The following ARHGEF19 variants were observed in gnomAD, a reference collection of about 807,000 sequenced individuals.
The protein encoded by ARHGEF19 is Rho guanine nucleotide exchange factor 19, also known as Rho guanine nucleotide exchange factor (GEF) 19.
A neutral mutation model predicts 87.6 loss-of-function variants in ARHGEF19; 92 were observed. The ratio of observed to expected loss-of-function variants is 1.05; its 90% CI spans 0.89 to 1.25. The LOEUF (loss-of-function observed/expected upper bound fraction) is 1.25. ARHGEF19 is among the 50% of genes most tolerant of loss of function. The pLI is 0.00. For synonymous variants in ARHGEF19, 438 were observed against 446.2 expected (o/e 0.98, Z 0.23); for missense variants, 1,054 against 1,051.8 (o/e 1.00, Z -0.03).
At chr1:16,202,916 TC>T (rs1406829760) in intron 12 of ARHGEF19, among the ~76,000 whole-genome samples, 1 of 152,030 alleles carries the variant, frequency 6.6e-6, no homozygotes, top group African/African-American at 2.4e-5. Context: ...TCGCTCTGTC[TC>T]CCAGGCTGGA....
At position 16,204,911 on chromosome 1, in the gene ARHGEF19, C is replaced by A; in HGVS notation, c.1755G>T (p.Pro585=). The A allele has an allele frequency of 3.8e-6, 6 of 1,599,822 alleles. No individual in the cohort carries two copies. The highest frequency in any genetic ancestry group is 4.3e-6 in the Non-Finnish European group (5 of 1,172,772). ...KKIHFEGKIF[P]LISQARWLVR... ...CCAGCCAGCGGGCCTGAGAGATCAG[C>A]GGGAAAATCTAGAGGGATGGAGAAG... Residue 585 remains proline, a synonymous_variant, in exon 12 of 16, where the codon CCG becomes CCT. Coordinates refer to ENST00000270747, the MANE Select transcript of ARHGEF19 (RefSeq NM_153213.5).
chr1:16,206,230 G>A lies in ARHGEF19; in HGVS notation c.1248C>T (p.Asp416=), dbSNP rs748921446. The part of the protein sequence containing the change: ...AELSECLGAQ[D]KQWLFSKLPE... ...GCAGTTTGGAAAACAGCCACTGCTT[G>A]TCCTGCGCCCCCAGACACTCGCTCA... Residue 416 remains aspartate (D), a synonymous_variant, in exon 7 of 16, where the codon GAC becomes GAT. Coordinates refer to ENST00000270747, the MANE Select transcript of ARHGEF19 (RefSeq NM_153213.5). This position sits in a 1 kb window ranked among gnomAD's most constrained non-coding sequence, Gnocchi z 4.6. The A allele has an allele frequency of 3.8e-6, 6 of 1,597,692 alleles. No individual in the cohort carries two copies. Among genetic ancestry groups the A allele is most frequent in the East Asian group, 2.2e-5 (1 of 44,516 alleles).
At chr1:16,203,268 C>T (rs964198036) in intron 12 of ARHGEF19, among the ~76,000 whole-genome samples, 2 of 152,156 alleles carry the variant, frequency 1.3e-5, no homozygotes, top group Non-Finnish European at 2.9e-5. Context: ...AAGCCAGATC[C>T]CCTTTACTGT....
chr1:16,211,100 C>T (rs1410491606), intron 1 of ARHGEF19, among the ~76,000 whole-genome samples: 5 of 152,138 alleles, frequency 3.3e-5, no homozygotes, highest in African/African-American at 4.8e-5. Context: ...CCCATCTGAG[C>T]GAGTCTCCCT....
chr1:16,207,299 TA>T lies in ARHGEF19; in HGVS notation c.875-90del. The T allele has an allele frequency of 7.0e-7, 1 of 1,438,550 alleles. No individual in the cohort carries two copies. The highest frequency in any genetic ancestry group is 1.4e-5 in the South Asian group (1 of 69,320). The allele number at this position is 1,438,550 out of a possible 1,614,324, so 89.1% of individuals were successfully genotyped here. On this transcript the variant is annotated intron_variant, in intron 5 of 15. Transcript: ENST00000270747. This position sits in a 1 kb window ranked among gnomAD's most constrained non-coding sequence, Gnocchi z 4.0. Reference sequence around the variant, plus strand: ...GGTTCCCTCAAGAGCCCGCGTCACTTAACCTTTGCCGCGGTTCGGATATCTG... The same window carrying T: ...GGTTCCCTCAAGAGCCCGCGTCACTTACCTTTGCCGCGGTTCGGATATCTG...
Position 16,206,213 on chromosome 1 carries a change from G to T in ARHGEF19, c.1265C>A (p.Ser422Tyr). ...LGAQDKQWLF[S>Y]KLPEVKSTSE... The stretch of plus-strand genomic sequence containing the variant: ...GGTGCTCTTGACCTCGGGCAGTTTG[G>T]AAAACAGCCACTGCTTGTCCTGCGC... Residue 422 changes from serine (S) to tyrosine (Y), a missense_variant, in exon 7 of 16, where the codon TCC (serine) becomes TAC (tyrosine). Physicochemically the swap from Ser to Tyr is moderately radical, Grantham distance 144. Transcript: ENST00000270747. The surrounding 1 kb of genome is among the most constrained non-coding windows in gnomAD (Gnocchi z 4.6). 1 of 1,598,474 alleles carries T rather than the reference G, an allele frequency of 6.3e-7. No homozygotes were observed. Among genetic ancestry groups the T allele is most frequent in the South Asian group, 1.1e-5 (1 of 88,570 alleles).
At position 16,206,462 on chromosome 1, in the gene ARHGEF19, C is replaced by T. The variant is rs1192317819; in HGVS notation, c.1138-122G>A. The T allele has an allele frequency of 8.8e-7, 1 of 1,132,638 alleles. No homozygotes were observed. Among genetic ancestry groups the T allele is most frequent in the Admixed American group, 2.6e-5 (1 of 39,072 alleles). 70.2% of individuals were successfully genotyped at this position (1,132,638 alleles called of 1,614,324 possible). ...TCCTCGCCCCTTCTCTAGCCCCACTCCTAATCTGGCGCCGGGCGGGCCCGG... is the reference window on the plus strand; with the variant it reads ...TCCTCGCCCCTTCTCTAGCCCCACTTCTAATCTGGCGCCGGGCGGGCCCGG... On this transcript the variant is annotated intron_variant, in intron 6 of 15. Coordinates refer to ENST00000270747, the MANE Select transcript of ARHGEF19 (RefSeq NM_153213.5). The surrounding 1 kb of genome is among the most constrained non-coding windows in gnomAD (Gnocchi z 4.6).
chr1:16,208,202 G>C lies in ARHGEF19; in HGVS notation c.436C>G (p.Arg146Gly), dbSNP rs754561950. Reference sequence around the variant, plus strand: ...TCGGGGCAGCCGGGGACCTCTTCACGCTGGTACACCCGCATCTTGCGCCCT... The same window carrying C: ...TCGGGGCAGCCGGGGACCTCTTCACCCTGGTACACCCGCATCTTGCGCCCT... ...SAWRKMRVYQREEVPGCPEAH... is the reference protein window; with the variant it reads ...SAWRKMRVYQGEEVPGCPEAH... The change falls in exon 3 of 16, where the codon CGT becomes GGT. Residue 146 changes from arginine (R) to glycine (G), a missense_variant. Transcript: ENST00000270747. 2.3e-5 allele frequency: 37 copies of C among 1,613,000 alleles called. No individual in the cohort carries two copies. The East Asian group carries it at 6.9e-4, about 30-fold the overall frequency.
chr1:16,211,064 C>T (rs560173708), intron 1 of ARHGEF19, among the ~76,000 whole-genome samples: 2 of 152,310 alleles, frequency 1.3e-5, no homozygotes, highest in South Asian at 2.1e-4. Flanking sequence ...GTACCATCAG[C>T]CTCTGTCCCT....
At chr1:16,199,361 T>C in intron 14 of ARHGEF19, 107 bp from the exon 15 acceptor site, 1 of 894,644 alleles carries the variant, frequency 1.1e-6, no homozygotes, top group East Asian at 2.5e-5. Context: ...GGTGGGAAGG[T>C]GGCCATTGAG....
Position 16,207,122 on chromosome 1 carries a change from G to A in ARHGEF19, c.963C>T (p.Ala321=), listed in dbSNP as rs1214614663. The A allele has an allele frequency of 4.3e-5, 65 of 1,517,290 alleles. No homozygotes were observed. Among genetic ancestry groups the A allele is most frequent in the Admixed American group, 2.1e-5 (1 of 47,308 alleles). The allele number at this position is 1,517,290 out of a possible 1,614,324, so 94.0% of individuals were successfully genotyped here. A position where few individuals can be genotyped will look rare whatever the true frequency, so the allele number is the denominator to read the frequency against. Residue 321 remains alanine, a synonymous_variant, in exon 6 of 16, where the codon GCC becomes GCT. Coordinates refer to ENST00000270747, the MANE Select transcript of ARHGEF19 (RefSeq NM_153213.5). This position sits in a 1 kb window ranked among gnomAD's most constrained non-coding sequence, Gnocchi z 4.0. Reference sequence around the variant, plus strand: ...GCCCCGGCCCCTCCTCTGCGCCCTCGGCCTCGTCCCCCGGGCCCTCCTCCT... The same window carrying A: ...GCCCCGGCCCCTCCTCTGCGCCCTCAGCCTCGTCCCCCGGGCCCTCCTCCT... The part of the protein sequence containing the change: ...QREEEGPGDE[A]EGAEEGPGPP...
Position 16,198,375 on chromosome 1 carries a change from C to A in ARHGEF19, c.*212G>T. 1 of 452,454 alleles carries A rather than the reference C, an allele frequency of 2.2e-6. No homozygotes were observed. The highest frequency in any genetic ancestry group is 4.0e-5 in the Admixed American group (1 of 25,308). The allele number at this position is 452,454 out of a possible 1,614,324, so 28.0% of individuals were successfully genotyped here. ...TCCCCATGTCAGAGGAAGAAACTATCCTTGGCCTTGAAGTGTGGACACTGA... is the reference window on the plus strand; with the variant it reads ...TCCCCATGTCAGAGGAAGAAACTATACTTGGCCTTGAAGTGTGGACACTGA... On this transcript the variant is annotated 3_prime_UTR_variant, in exon 16 of 16. Transcript: ENST00000270747. This position sits in a 1 kb window ranked among gnomAD's most constrained non-coding sequence, Gnocchi z 4.1.
chr1:16,202,348 A>G (rs1693540), intron 13 of ARHGEF19, 68 bp downstream of exon 13: 885,626 of 1,278,580 alleles, frequency 0.69, 264,393 homozygotes, highest in East Asian at 0.79. Flanking sequence ...CGGGGTGCCC[A>G]TCATGGGGAC....
intron 14 of ARHGEF19, among the ~76,000 whole-genome samples, chr1:16,200,670 G>A (rs7527137): frequency 0.4 from 60,069 of 151,976 alleles, 13,630 homozygotes; most frequent in East Asian, 0.71. Flanking sequence ...TTTGAACCTG[G>A]GAGGTGGAGG....
chr1:16,205,059 C>T lies in ARHGEF19; in HGVS notation c.1746+28G>A. 1 of 1,580,492 alleles carries T rather than the reference C, an allele frequency of 6.3e-7. No homozygotes were observed. Among genetic ancestry groups the T allele is most frequent in the Non-Finnish European group, 8.6e-7 (1 of 1,163,008 alleles). On this transcript the variant is annotated intron_variant, in intron 11 of 15. Coordinates refer to ENST00000270747, the MANE Select transcript of ARHGEF19 (RefSeq NM_153213.5). This position sits in a 1 kb window ranked among gnomAD's most constrained non-coding sequence, Gnocchi z 5.8. Reference sequence around the variant, plus strand: ...AGAAACAAGAGCTGCCCCTTGGGGTCCCCATCCCGCTGGCTGCAGACACAC... The same window carrying T: ...AGAAACAAGAGCTGCCCCTTGGGGTTCCCATCCCGCTGGCTGCAGACACAC...
rs1489014248 is a variant in ARHGEF19 at position 16,206,518 on chromosome 1, A to T, written c.1138-178T>A. 1.0e-5 allele frequency: 7 copies of T among 678,496 alleles called. 1 individual carries two copies. The allele number at this position is 678,496 out of a possible 1,614,324, so 42.0% of individuals were successfully genotyped here. On this transcript the variant is annotated intron_variant, in intron 6 of 15. Transcript: ENST00000270747. The surrounding 1 kb of genome is among the most constrained non-coding windows in gnomAD (Gnocchi z 4.6). ...CACGTCCCGCCGCGGGAAATTGTGC[A>T]AGCCTTTCCTGTCCTCGATCCCGCC...
Position 16,204,800 on chromosome 1 carries a change from G to A in ARHGEF19, c.1866C>T (p.Leu622=). 1 of 1,613,318 alleles carries A rather than the reference G, an allele frequency of 6.2e-7. No individual in the cohort carries two copies. ...KLKLSSKAVY[L]HLFNDCLLLS... is the part of the protein sequence containing the mutation. The stretch of plus-strand genomic sequence containing the variant: ...GCAGCAAGCAGTCATTGAAGAGGTG[G>A]AGGTAGACTGCCTTGCTGGACAGCT... The change falls in exon 12 of 16, where the codon CTC becomes CTT. Residue 622 remains leucine, a synonymous_variant. Transcript: ENST00000270747.
In ARHGEF19 at chr1:16,206,558, CG is replaced by C. The variant is rs1311768318; in HGVS notation, c.1138-219del. The C allele has an allele frequency of 3.5e-6, 2 of 577,598 alleles. No individual in the cohort carries two copies. Among genetic ancestry groups the C allele is most frequent in the Non-Finnish European group, 6.2e-6 (2 of 325,134 alleles). 35.8% of individuals were successfully genotyped at this position (577,598 alleles called of 1,614,324 possible). On this transcript the variant is annotated intron_variant, in intron 6 of 15. Transcript: ENST00000270747. This position sits in a 1 kb window ranked among gnomAD's most constrained non-coding sequence, Gnocchi z 4.6. ...TCGATCCCGCCCCTCTCCTAAGCCC[CG>C]CCCCGACGCGTTCTTCCCAGAGCCC...
In ARHGEF19 at chr1:16,198,433, G is replaced by T; in HGVS notation, c.*154C>A. On this transcript the variant is annotated 3_prime_UTR_variant, in exon 16 of 16. Coordinates refer to ENST00000270747, the MANE Select transcript of ARHGEF19 (RefSeq NM_153213.5). This position sits in a 1 kb window ranked among gnomAD's most constrained non-coding sequence, Gnocchi z 4.1. ...GAGGACGGAGAGACCCTCTGGAGGC[G>T]CCCCCATTCCTGTGTCCAGCCTGTG... The T allele has an allele frequency of 1.1e-6, 1 of 886,760 alleles. No homozygotes were observed. The highest frequency in any genetic ancestry group is 1.6e-6 in the Non-Finnish European group (1 of 616,248). The allele number at this position is 886,760 out of a possible 1,614,324, so 54.9% of individuals were successfully genotyped here.
Sources: gnomAD v4.1 joint callset for allele counts (sites outside exome capture counted in the v4.1 genomes callset) on GRCh38, gnomAD v4.1.1 for gene constraint, Gnocchi (gnomAD v3.1) non-coding constraint, MANE v1.5 for transcripts, NCBI Gene and HGNC (gene_info 2026-07-23, HGNC 2026-07-21) for gene names.